The following MLIP variants were observed in gnomAD, a reference collection of about 807,000 sequenced individuals.
MLIP encodes muscular LMNA interacting protein.
A neutral mutation model predicts 84.8 loss-of-function variants in MLIP; 79 were observed. That is an observed-to-expected ratio of 0.93 (90% confidence interval 0.78 to 1.12). MLIP has a LOEUF of 1.12. Ranked by LOEUF, MLIP falls within the 50% of genes most tolerant of loss-of-function variation. MLIP has a pLI of 0.00. For synonymous variants in MLIP, 504 were observed against 463.0 expected, an observed-to-expected ratio of 1.09 and a Z score of -1.14; for missense variants, 1,257 against 1,160.6, an observed-to-expected ratio of 1.08 and a Z score of -1.21.
intron 11 of MLIP, chr6:54,216,016 A>G: frequency 2.9e-6 from 1 of 349,786 alleles, no homozygotes; most frequent in Non-Finnish European, 4.0e-6. Context: ...TTTCTTTTTT[A>G]AGGCTGAATA....
intron 8 of MLIP, among the ~76,000 whole-genome samples, chr6:54,165,643 T>C (rs1316906425): frequency 6.6e-6 from 1 of 151,912 alleles, no homozygotes; most frequent in Non-Finnish European, 1.5e-5. Flanking sequence ...GGTAGTGAGG[T>C]CAAGAAAGAA....
chr6:54,150,422 A>G (rs1773321090), intron 5 of MLIP, among the ~76,000 whole-genome samples: 1 of 152,046 alleles, frequency 6.6e-6, no homozygotes, highest in Non-Finnish European at 1.5e-5. Flanking sequence ...CTTATTCCAC[A>G]CTCTGGGGCC....
intron 10 of MLIP, among the ~76,000 whole-genome samples, chr6:54,194,849 CTT>C (rs1000477911): frequency 6.6e-6 from 1 of 151,094 alleles, no homozygotes; most frequent in Non-Finnish European, 1.5e-5. Context: ...ATAAAAATCT[CTT>C]TTGTTTTTTC....
chr6:54,124,267 T>C (rs961635650), intron 2 of MLIP, among the ~76,000 whole-genome samples: 12 of 152,182 alleles, frequency 7.9e-5, no homozygotes, highest in Non-Finnish European at 1.5e-5. Context: ...TATCCCAAAA[T>C]TGTTTGGGCT....
chr6:54,028,532 C>T (rs1341449510), intron 1 of MLIP, among the ~76,000 whole-genome samples: 1 of 152,186 alleles, frequency 6.6e-6, no homozygotes, highest in Non-Finnish European at 1.5e-5. Flanking sequence ...GGGGCATTAA[C>T]TTAGAATGTG....
At chr6:54,181,256 A>G (rs558171864) in intron 9 of MLIP, among the ~76,000 whole-genome samples, 3 of 152,022 alleles carry the variant, frequency 2.0e-5, no homozygotes, top group African/African-American at 7.2e-5. Context: ...TCCCCTTTCC[A>G]CAGGCAAAAG....
intron 2 of MLIP, 41 bp from the exon 3 acceptor site, chr6:54,124,432 A>C (rs1195743590): frequency 2.6e-6 from 4 of 1,541,688 alleles, no homozygotes. Context: ...AGCATTTATT[A>C]AACTAATGTC....
chr6:54,042,367 ATCCTCCTCT>A (rs1727789675), intron 1 of MLIP, among the ~76,000 whole-genome samples: 1 of 151,844 alleles, frequency 6.6e-6, no homozygotes, highest in South Asian at 2.1e-4. Context: ...CCTCCTCCTC[ATCCTCCTCT>A]TCCTTCTCTC....
intron 4 of MLIP, among the ~76,000 whole-genome samples, chr6:54,140,924 C>G (rs1772242131): frequency 6.6e-6 from 1 of 152,114 alleles, no homozygotes; most frequent in Non-Finnish European, 1.5e-5. Context: ...TGATGCTAAG[C>G]TGAGCACAGG....
chr6:54,139,899 T>C (rs577939157), intron 4 of MLIP, among the ~76,000 whole-genome samples: 1 of 152,312 alleles, frequency 6.6e-6, no homozygotes, highest in African/African-American at 2.4e-5. Context: ...ATTCCCAATT[T>C]ATATAATTTT....
rs1397115770 is a variant in MLIP at position 54,182,051 on chromosome 6, C to G, written c.2545-7819C>G. Among the ~76,000 whole-genome samples the G allele has an allele frequency of 2.6e-5, 4 of 152,212 alleles. No individual in the cohort carries two copies. The East Asian group carries it at 7.7e-4, about 29-fold the overall frequency. ...CTAGGTCATGTACCACCCTAGTCTA[C>G]TGGCTCTGAGCTCAGTGCAGTACTA... On this transcript the variant is annotated intron_variant, in intron 9 of 13. Coordinates refer to ENST00000502396, the MANE Select transcript of MLIP (RefSeq NM_001281747.2).
chr6:54,217,020 G>C, intron 11 of MLIP: 1 of 985,414 alleles, frequency 1.0e-6, no homozygotes, highest in Non-Finnish European at 1.2e-6. Context: ...TTAAACTGCT[G>C]TAAGTTCTAG....
intron 10 of MLIP, among the ~76,000 whole-genome samples, chr6:54,201,642 G>A (rs1275390367): frequency 3.9e-5 from 6 of 152,246 alleles, no homozygotes; most frequent in African/African-American, 1.4e-4. Context: ...TTCATAATAT[G>A]AACATGGCAT....
At position 54,121,587 on chromosome 6, in the gene MLIP, A is replaced by G; in HGVS notation, c.237A>G (p.Pro79=). The G allele has an allele frequency of 6.2e-7, 1 of 1,607,414 alleles. No homozygotes were observed. Among genetic ancestry groups the G allele is most frequent in the South Asian group, 1.1e-5 (1 of 89,376 alleles). ...KIPEESSDKS[P]ETVNRSKSND... ...CAGAAGAATCAAGTGATAAGAGTCC[A>G]GAAACTGTAAATAGGGTAGGATTAT... is the stretch of plus-strand genomic sequence containing the variant. Residue 79 remains proline (P), a synonymous_variant, in exon 2 of 14, where the codon CCA becomes CCG. Coordinates refer to ENST00000502396, the MANE Select transcript of MLIP (RefSeq NM_001281747.2).
At chr6:54,156,375 A>G (rs1003911193) in intron 5 of MLIP, among the ~76,000 whole-genome samples, 1 of 152,092 alleles carries the variant, frequency 6.6e-6, no homozygotes, top group African/African-American at 2.4e-5. Context: ...ATAGTTTTCC[A>G]AGGGACCTGA....
At chr6:54,020,327 G>C (rs1561869332) in intron 1 of MLIP, among the ~76,000 whole-genome samples, 1 of 152,106 alleles carries the variant, frequency 6.6e-6, no homozygotes, top group Non-Finnish European at 1.5e-5. Context: ...ACTGTTTTTG[G>C]TCTGATTCAC....
At chr6:54,217,556 C>T in intron 11 of MLIP, 1 of 984,478 alleles carries the variant, frequency 1.0e-6, no homozygotes, top group Non-Finnish European at 1.2e-6. Context: ...AAAGATATTA[C>T]TTGCTTCATA....
intron 1 of MLIP, among the ~76,000 whole-genome samples, chr6:54,048,950 T>C (rs907301133): frequency 5.3e-5 from 8 of 152,180 alleles, no homozygotes; most frequent in Admixed American, 2.0e-4. Context: ...AAGTCAGAGA[T>C]AGAGAGAGTT....
intron 10 of MLIP, among the ~76,000 whole-genome samples, chr6:54,198,582 C>T (rs1385574568): frequency 6.6e-6 from 1 of 151,792 alleles, no homozygotes; most frequent in Admixed American, 6.6e-5. Context: ...CCTGAGGGGT[C>T]GGAAAGGTAA....
Sources: allele counts gnomAD v4.1 joint callset (sites outside exome capture counted in the v4.1 genomes callset), GRCh38; gene constraint gnomAD v4.1.1; transcripts MANE v1.5; gene names NCBI Gene and HGNC (gene_info 2026-07-23, HGNC 2026-07-21).